Variants in ZC2HC1B observed in about 807,000 individuals in gnomAD.
ZC2HC1B encodes zinc finger C2HC-type containing 1B.
Under a neutral mutation model 31.0 loss-of-function variants are expected in ZC2HC1B, and 36 were observed. The observed-to-expected ratio is 1.16, with a 90% CI of 0.89 to 1.54. The LOEUF (loss-of-function observed/expected upper bound fraction) is 1.54, where lower values mean the gene tolerates loss of function less well. Ranked by LOEUF, ZC2HC1B falls within the 40% of genes most tolerant of loss-of-function variation. ZC2HC1B has a pLI of 0.00. For missense variants in ZC2HC1B, 260 were observed against 268.6 expected (o/e 0.97, Z 0.22); for synonymous variants, 73 against 88.0 (o/e 0.83, Z 0.95).
At position 143,895,529 on chromosome 6, in the gene ZC2HC1B, G is replaced by A. The variant is rs1421462195; in HGVS notation, c.350-3023G>A. ...AACATGGCCTAACATGCATGAATGT[G>A]CCAGTAATTTCCCTTTTTTCCTCAG... On this transcript the variant is annotated intron_variant, in intron 4 of 7. Transcript: ENST00000237275. This position sits in a 1 kb window ranked among gnomAD's most constrained non-coding sequence, Gnocchi z 4.8. 6.6e-6 allele frequency among the ~76,000 whole-genome samples: 1 copy of A among 152,122 alleles called. No individual in the cohort carries two copies. The highest frequency in any genetic ancestry group is 1.5e-5 in the Non-Finnish European group (1 of 68,014).
intron 6 of ZC2HC1B, among the ~76,000 whole-genome samples, chr6:143,919,217 C>CTGTGTG (rs71024878): frequency 0.01 from 1,237 of 123,632 alleles, 19 homozygotes; most frequent in East Asian, 0.029. Flanking sequence ...TTGCTATTCT[C>CTGTGTG]TGTGTGTGTG....
intron 1 of ZC2HC1B, among the ~76,000 whole-genome samples, chr6:143,876,753 G>A (rs762415593): frequency 1.3e-5 from 2 of 150,692 alleles, no homozygotes; most frequent in Admixed American, 6.6e-5. Context: ...TGAAGAACTT[G>A]GAGTCTGATG....
chr6:143,906,787 C>A (rs1446394129), intron 6 of ZC2HC1B, among the ~76,000 whole-genome samples: 2 of 149,248 alleles, frequency 1.3e-5, no homozygotes, highest in Non-Finnish European at 3.0e-5. Flanking sequence ...TAATGGTTTT[C>A]TTTTCATTTT....
In ZC2HC1B at chr6:143,871,568, C is replaced by G. The variant is rs1777337039; in HGVS notation, c.28+7001C>G. On this transcript the variant is annotated intron_variant, in intron 1 of 7. Transcript: ENST00000237275. This position sits in a 1 kb window ranked among gnomAD's most constrained non-coding sequence, Gnocchi z 4.1. ...ATCACTTGGTTAAGCTTATGATAAT[C>G]CACTCTCATTCTTCCAGATCCATCT... Among the ~76,000 whole-genome samples, 1 of 152,146 alleles carries G rather than the reference C, an allele frequency of 6.6e-6. No homozygotes were observed. The highest frequency in any genetic ancestry group is 6.5e-5 in the Admixed American group (1 of 15,286).
At chr6:143,937,532 C>CT in intron 6 of ZC2HC1B, 117 bp from the exon 7 acceptor site, 10 of 671,586 alleles carry the variant, frequency 1.5e-5, no homozygotes, top group Non-Finnish European at 2.1e-5. Flanking sequence ...CCACCTCCCA[C>CT]CAAAAAAAAG....
chr6:143,880,452 C>T (rs181103345), intron 1 of ZC2HC1B, among the ~76,000 whole-genome samples: 11 of 151,990 alleles, frequency 7.2e-5, no homozygotes, highest in Admixed American at 7.2e-4. Flanking sequence ...TTATTCATAC[C>T]CAAAGTAATT....
chr6:143,898,205 A>T (rs1777691957), intron 4 of ZC2HC1B, among the ~76,000 whole-genome samples: 1 of 152,196 alleles, frequency 6.6e-6, no homozygotes. Flanking sequence ...TATTTGAAAT[A>T]GGGTCTTGTT....
At position 143,869,212 on chromosome 6, in the gene ZC2HC1B, G is replaced by C. The variant is rs891960774; in HGVS notation, c.28+4645G>C. Among the ~76,000 whole-genome samples the C allele has an allele frequency of 2.6e-5, 4 of 152,112 alleles. No individual in the cohort carries two copies. Among genetic ancestry groups the C allele is most frequent in the African/African-American group, 9.7e-5 (4 of 41,404 alleles). The stretch of plus-strand genomic sequence containing the variant: ...CCATTGACCTGAATCACAGGACATG[G>C]TAATACTAAGAGACACCCTAATAGA... On this transcript the variant is annotated intron_variant, in intron 1 of 7. Transcript: ENST00000237275. The surrounding 1 kb of genome is among the most constrained non-coding windows in gnomAD (Gnocchi z 5.2).
chr6:143,912,231 G>C (rs973361197), intron 6 of ZC2HC1B, among the ~76,000 whole-genome samples: 2 of 152,136 alleles, frequency 1.3e-5, no homozygotes, highest in African/African-American at 4.8e-5. Flanking sequence ...TCTCAGCGAA[G>C]TTTATTACCC....
At chr6:143,927,212 G>A (rs894015622) in intron 6 of ZC2HC1B, among the ~76,000 whole-genome samples, 9 of 152,000 alleles carry the variant, frequency 5.9e-5, no homozygotes, top group African/African-American at 1.5e-4. Context: ...GGTATATTGC[G>A]TAGTGTTGAG....
At chr6:143,879,488 C>T (rs1029998320) in intron 1 of ZC2HC1B, among the ~76,000 whole-genome samples, 16 of 152,026 alleles carry the variant, frequency 1.1e-4, no homozygotes, top group East Asian at 3.8e-4. Context: ...AAGTTGAGGC[C>T]GTTATTCCAC....
At chr6:143,909,648 G>T (rs1385067664) in intron 6 of ZC2HC1B, among the ~76,000 whole-genome samples, 1 of 151,056 alleles carries the variant, frequency 6.6e-6, no homozygotes, top group Non-Finnish European at 1.5e-5. Flanking sequence ...GAGGATGTAT[G>T]TGTCCAGGAA....
intron 6 of ZC2HC1B, among the ~76,000 whole-genome samples, chr6:143,914,621 C>G (rs1481447654): frequency 6.6e-6 from 1 of 151,988 alleles, no homozygotes; most frequent in Non-Finnish European, 1.5e-5. Context: ...TCTTATGTAT[C>G]TTTATCTGGT....
At position 143,884,372 on chromosome 6, in the gene ZC2HC1B, A is replaced by G. The variant is rs1777506437; in HGVS notation, c.90+7A>G. ...TTTTGCAGCAGATGTTCTGGTAAAC[A>G]TAAAGACATTTTGTAGATGTGTTTC... On this transcript the variant is annotated splice_region_variant and intron_variant, in intron 2 of 7. Transcript: ENST00000237275. The surrounding 1 kb of genome is among the most constrained non-coding windows in gnomAD (Gnocchi z 5.1). The G allele has an allele frequency of 1.3e-6, 2 of 1,533,666 alleles. No individual in the cohort carries two copies. The highest frequency in any genetic ancestry group is 1.2e-5 in the South Asian group (1 of 82,006).
chr6:143,878,602 G>T (rs1333359253), intron 1 of ZC2HC1B, among the ~76,000 whole-genome samples: 5 of 150,592 alleles, frequency 3.3e-5, no homozygotes, highest in Admixed American at 2.6e-4. Context: ...ATTCAGTCAT[G>T]AGTTACAGCA....
Position 143,869,430 on chromosome 6 carries a change from T to G in ZC2HC1B, c.28+4863T>G, listed in dbSNP as rs1461559799. ...ATGATGAAGAACATGGTGAGACCAG[T>G]GAATTCCATGAGCATGCGCCCACTG... On this transcript the variant is annotated intron_variant, in intron 1 of 7. Transcript: ENST00000237275. This position sits in a 1 kb window ranked among gnomAD's most constrained non-coding sequence, Gnocchi z 5.2. 2.0e-5 allele frequency among the ~76,000 whole-genome samples: 3 copies of G among 152,226 alleles called. No homozygotes were observed. Among genetic ancestry groups the G allele is most frequent in the Non-Finnish European group, 4.4e-5 (3 of 68,036 alleles).
At chr6:143,890,700 G>A (rs1178682499) in intron 4 of ZC2HC1B, among the ~76,000 whole-genome samples, 2 of 152,188 alleles carry the variant, frequency 1.3e-5, no homozygotes, top group Non-Finnish European at 2.9e-5. Context: ...CAACATAATT[G>A]TGAATGAGTA....
chr6:143,881,241 A>G (rs548382272), intron 1 of ZC2HC1B, among the ~76,000 whole-genome samples: 1 of 152,216 alleles, frequency 6.6e-6, no homozygotes, highest in Non-Finnish European at 1.5e-5. Flanking sequence ...CATCCAGATT[A>G]TTGCATGTAT....
intron 6 of ZC2HC1B, among the ~76,000 whole-genome samples, chr6:143,930,174 A>G (rs1293165134): frequency 1.3e-5 from 2 of 151,726 alleles, no homozygotes; most frequent in Non-Finnish European, 2.9e-5. Flanking sequence ...GATGTGTAAC[A>G]TTATGATGTT....
Sources: gnomAD v4.1 joint callset for allele counts (sites outside exome capture counted in the v4.1 genomes callset) on GRCh38, gnomAD v4.1.1 for gene constraint, Gnocchi (gnomAD v3.1) non-coding constraint, MANE v1.5 for transcripts, NCBI Gene and HGNC (gene_info 2026-07-23, HGNC 2026-07-21) for gene names.